PLIN3: variants seen among roughly 807,000 people sequenced by gnomAD.
PLIN3 encodes perilipin 3, also known as perilipin-3.
A neutral mutation model predicts 35.9 loss-of-function variants in PLIN3; 30 were observed. The observed-to-expected ratio is 0.84, with a 90% CI of 0.62 to 1.13. The LOEUF is 1.13. PLIN3 is among the 50% of genes most tolerant of loss of function. The probability of loss-of-function intolerance (pLI) is 0.00; values close to 1 mark genes in which losing one functional copy is unlikely to be tolerated. For missense variants in PLIN3, 603 were observed against 596.9 expected, an observed-to-expected ratio of 1.01 and a Z score of -0.11; for synonymous variants, 261 against 262.5, an observed-to-expected ratio of 0.99 and a Z score of 0.06.
At chr19:4,865,029 A>G (rs1377812466) in intron 1 of PLIN3, among the ~76,000 whole-genome samples, 1 of 151,864 alleles carries the variant, frequency 6.6e-6, no homozygotes, top group East Asian at 1.9e-4. Flanking sequence ...GTCTCTACTA[A>G]AAATACAAAA....
Position 4,839,169 on chromosome 19 carries a change from C to A in PLIN3, c.*23G>T. 1 of 1,563,480 alleles carries A rather than the reference C, an allele frequency of 6.4e-7. No homozygotes were observed. The highest frequency in any genetic ancestry group is 1.2e-5 in the South Asian group (1 of 86,110). ...CACAGCTGCATTATAGAGACGGGGC[C>A]CGCTGAGTCCTCTCCTCTCCCCCTA... On this transcript the variant is annotated 3_prime_UTR_variant, in exon 8 of 8. Coordinates refer to ENST00000221957, the MANE Select transcript of PLIN3 (RefSeq NM_005817.5).
At chr19:4,846,615 C>T (rs541039243) in intron 6 of PLIN3, among the ~76,000 whole-genome samples, 1 of 151,976 alleles carries the variant, frequency 6.6e-6, no homozygotes, top group Non-Finnish European at 1.5e-5. Context: ...CCAAGAATCA[C>T]TTGAACCCGG....
At chr19:4,848,849 A>G (rs763710189) in intron 5 of PLIN3, among the ~76,000 whole-genome samples, 3 of 152,108 alleles carry the variant, frequency 2.0e-5, no homozygotes, top group South Asian at 2.1e-4. Context: ...CCTGGGTGAG[A>G]GTGAGACTCC....
At chr19:4,848,819 A>G (rs935093813) in intron 5 of PLIN3, among the ~76,000 whole-genome samples, 11 of 151,860 alleles carry the variant, frequency 7.2e-5, no homozygotes, top group Non-Finnish European at 1.6e-4. Context: ...GTGAGCCAAG[A>G]TCACACCACT....
intron 2 of PLIN3, among the ~76,000 whole-genome samples, chr19:4,860,736 C>T (rs1490221405): frequency 2.6e-5 from 4 of 151,866 alleles, no homozygotes; most frequent in African/African-American, 9.7e-5. Context: ...TTTGGGAGAC[C>T]GAGGCGGGTG....
At chr19:4,862,580 G>A (rs1309639921) in intron 1 of PLIN3, among the ~76,000 whole-genome samples, 4 of 152,282 alleles carry the variant, frequency 2.6e-5, no homozygotes, top group South Asian at 2.1e-4. Context: ...CCCAGGCAGT[G>A]TTGATGCAGC....
At chr19:4,852,447 C>T in intron 4 of PLIN3, 146 bp from the exon 5 acceptor site, 1 of 967,428 alleles carries the variant, frequency 1.0e-6, no homozygotes, top group South Asian at 1.7e-5. Flanking sequence ...TGTATGTGGG[C>T]ACCCCTCCCC....
intron 7 of PLIN3, among the ~76,000 whole-genome samples, chr19:4,841,447 G>C (rs780293482): frequency 1.3e-5 from 2 of 152,166 alleles, no homozygotes; most frequent in Non-Finnish European, 2.9e-5. Context: ...TGGTTGGGAG[G>C]AGGAGGAAAT....
intron 4 of PLIN3, among the ~76,000 whole-genome samples, chr19:4,854,740 G>C (rs2146208505): frequency 6.6e-6 from 1 of 152,078 alleles, no homozygotes; most frequent in East Asian, 1.9e-4. Flanking sequence ...CCAGAACCTG[G>C]GGAAAGTTAC....
At position 4,847,906 on chromosome 19, in the gene PLIN3, G is replaced by A; in HGVS notation, c.635-16C>T. The A allele has an allele frequency of 1.9e-6, 3 of 1,603,824 alleles. No individual in the cohort carries two copies. Among genetic ancestry groups the A allele is most frequent in the East Asian group, 2.2e-5 (1 of 44,624 alleles). Reference sequence around the variant, plus strand: ...GCGATGCGGGCTGCAAGGAAAAGGAGAAGGGTCTCTGTGAAGACCAGAACA... The same window carrying A: ...GCGATGCGGGCTGCAAGGAAAAGGAAAAGGGTCTCTGTGAAGACCAGAACA... On this transcript the variant is annotated splice_polypyrimidine_tract_variant and intron_variant, in intron 5 of 7. Transcript: ENST00000221957.
intron 4 of PLIN3, among the ~76,000 whole-genome samples, chr19:4,856,767 C>T (rs2030490803): frequency 3.3e-5 from 5 of 149,590 alleles, no homozygotes; most frequent in East Asian, 4.1e-4. Flanking sequence ...CGTGGTGGCA[C>T]GATCTCGGCT....
chr19:4,856,395 C>A (rs2030476638), intron 4 of PLIN3, among the ~76,000 whole-genome samples: 1 of 151,928 alleles, frequency 6.6e-6, no homozygotes, highest in South Asian at 2.1e-4. Context: ...CCCATCTCTA[C>A]TAAAAAGATA....
intron 5 of PLIN3, 62 bp from the exon 6 acceptor site, chr19:4,847,952 G>A: frequency 8.6e-7 from 1 of 1,159,262 alleles, no homozygotes; most frequent in Non-Finnish European, 1.3e-6. Context: ...CTCGTCCCAT[G>A]CAGACAGTCC....
intron 1 of PLIN3, among the ~76,000 whole-genome samples, chr19:4,864,703 C>T (rs905504553): frequency 2.0e-5 from 3 of 152,008 alleles, no homozygotes; most frequent in East Asian, 1.9e-4. Flanking sequence ...GTGGGGAGGA[C>T]GGGGTTCCCC....
intron 7 of PLIN3, among the ~76,000 whole-genome samples, chr19:4,841,468 C>T (rs1226006164): frequency 3.9e-5 from 6 of 152,060 alleles, no homozygotes; most frequent in Admixed American, 6.6e-5. Flanking sequence ...GGGGCAGTGA[C>T]TGCTGATGGG....
intron 7 of PLIN3, among the ~76,000 whole-genome samples, chr19:4,840,395 C>T (rs977023882): frequency 6.6e-6 from 1 of 152,088 alleles, no homozygotes; most frequent in Admixed American, 6.6e-5. Context: ...TGCCTGACTA[C>T]AGGCACTCAC....
At chr19:4,844,546 T>C in intron 7 of PLIN3, 122 bp downstream of exon 7, 3 of 1,086,946 alleles carry the variant, frequency 2.8e-6, no homozygotes, top group Non-Finnish European at 3.8e-6. Flanking sequence ...TGTCATTAGC[T>C]TCCAAAAGCA....
In PLIN3 at chr19:4,852,089, A is replaced by G. The variant is rs2146205731; in HGVS notation, c.561T>C (p.Ser187=). 6.2e-7 allele frequency: 1 copy of G among 1,613,838 alleles called. No homozygotes were observed. Among genetic ancestry groups the G allele is most frequent in the East Asian group, 2.2e-5 (1 of 44,866 alleles). Residue 187 remains serine, a synonymous_variant, in exon 5 of 8, where the codon AGT becomes AGC. Transcript: ENST00000221957. The part of the protein sequence containing the change: ...MGSRLGQMVL[S]GVDTVLGKSE... ...ACTTCCCCAGCACCGTGTCGACCCCACTCAACACCATCTGGCCCAAGCGGG... is the reference window on the plus strand; with the variant it reads ...ACTTCCCCAGCACCGTGTCGACCCCGCTCAACACCATCTGGCCCAAGCGGG...
intron 2 of PLIN3, 66 bp downstream of exon 2, chr19:4,861,263 G>T (rs1216323174): frequency 2.1e-6 from 3 of 1,419,538 alleles, no homozygotes; most frequent in Non-Finnish European, 3.0e-6. Context: ...GGCACCCTGG[G>T]GTGGGAAGCC....
Sources: gnomAD v4.1 joint callset for allele counts (sites outside exome capture counted in the v4.1 genomes callset) on GRCh38, gnomAD v4.1.1 for gene constraint, MANE v1.5 for transcripts, NCBI Gene and HGNC (gene_info 2026-07-23, HGNC 2026-07-21) for gene names.